The following KCNAB3 variants were observed in gnomAD, a reference collection of about 807,000 sequenced individuals.
The protein encoded by KCNAB3 is voltage-gated potassium channel subunit beta-3.
Under a neutral mutation model 67.7 loss-of-function variants are expected in KCNAB3, and 62 were observed. The observed-to-expected ratio is 0.92, with a 90% CI of 0.75 to 1.13. KCNAB3 has a LOEUF of 1.13. KCNAB3 is among the 50% of genes most tolerant of loss of function. KCNAB3 has a pLI of 0.00. For synonymous variants in KCNAB3, 212 were observed against 205.4 expected, an observed-to-expected ratio of 1.03 and a Z score of -0.27; for missense variants, 514 against 522.9, an observed-to-expected ratio of 0.98 and a Z score of 0.17.
At chr17:7,925,055 T>A (rs748759740) in intron 8 of KCNAB3, 42 bp downstream of exon 8, 7 of 1,572,924 alleles carry the variant, frequency 4.5e-6, no homozygotes, top group African/African-American at 1.4e-5. Context: ...AAGGAAGTGC[T>A]CAGTTTTGAA....
intron 11 of KCNAB3, 46 bp from the exon 12 acceptor site, chr17:7,923,877 C>A: frequency 6.4e-7 from 1 of 1,562,392 alleles, no homozygotes; most frequent in Non-Finnish European, 8.7e-7. Context: ...ATCACCACCA[C>A]CACCACCACA....
intron 12 of KCNAB3, 26 bp downstream of exon 12, chr17:7,923,685 G>A (rs1370717674): frequency 3.2e-6 from 5 of 1,553,786 alleles, no homozygotes; most frequent in Non-Finnish European, 4.4e-6. Flanking sequence ...GAGGAGACAG[G>A]GCCCCTGCAG....
chr17:7,926,959 C>G (rs1239361189), intron 4 of KCNAB3, among the ~76,000 whole-genome samples: 1 of 152,110 alleles, frequency 6.6e-6, no homozygotes, highest in Non-Finnish European at 1.5e-5. Flanking sequence ...GGAGCGGACA[C>G]TCGGGTCAAG....
chr17:7,924,831 C>T, intron 8 of KCNAB3: 1 of 652,042 alleles, frequency 1.5e-6, no homozygotes, highest in Non-Finnish European at 2.4e-6. Context: ...TGGCCTCAAA[C>T]TCCTGGGCTT....
At position 7,923,530 on chromosome 17, in the gene KCNAB3, T is replaced by A; in HGVS notation, c.1063A>T (p.Ser355Cys). Residue 355 changes from serine (S) to cysteine (C), a missense_variant, in exon 13 of 14, where the codon AGT (serine) becomes TGT (cysteine). By Grantham distance (112) the Ser-to-Cys change is moderately radical. Transcript: ENST00000303790. The stretch of plus-strand genomic sequence containing the variant: ...AGCAAGACAGAGCTGACACCCTCAC[T>A]GCGGAGACACCACGCTGGGGCCAGA... ...AQLAIAWCLR[S>C]EGVSSVLLGV... 1 of 1,610,940 alleles carries A rather than the reference T, an allele frequency of 6.2e-7. No homozygotes were observed. The highest frequency in any genetic ancestry group is 8.5e-7 in the Non-Finnish European group (1 of 1,178,678).
At position 7,925,144 on chromosome 17, in the gene KCNAB3, A is replaced by C; in HGVS notation, c.578T>G (p.Val193Gly). ...TGAGCGATTGGCAAAGACAATGTCC[A>C]CGTATCCCAGCTGGAGGCGTTCCAG... ...GSLERLQLGY[V>G]DIVFANRSDP... Residue 193 changes from valine (V) to glycine (G), a missense_variant, in exon 8 of 14, where the codon GTG becomes GGG. Physicochemically the swap from Val to Gly is moderately radical, Grantham distance 109. Coordinates refer to ENST00000303790, the MANE Select transcript of KCNAB3 (RefSeq NM_004732.4). The C allele has an allele frequency of 6.2e-7, 1 of 1,613,892 alleles. No homozygotes were observed. The highest frequency in any genetic ancestry group is 8.5e-7 in the Non-Finnish European group (1 of 1,179,846).
Position 7,923,952 on chromosome 17 carries a change from A to C in KCNAB3, c.927+16T>G, listed in dbSNP as rs747324048. 9 of 1,603,320 alleles carry C rather than the reference A, an allele frequency of 5.6e-6. No individual in the cohort carries two copies. In the South Asian group the frequency reaches 8.9e-5, roughly 16 times the overall value. On this transcript the variant is annotated intron_variant, in intron 11 of 13. Transcript: ENST00000303790. ...CATATAGCCCAGTCCTGCCATCGAGAGCCCCCAGATCTCACCTTGATGGAG... is the reference window on the plus strand; with the variant it reads ...CATATAGCCCAGTCCTGCCATCGAGCGCCCCCAGATCTCACCTTGATGGAG...
chr17:7,927,948 AC>A, intron 1 of KCNAB3, 122 bp from the exon 2 acceptor site: 2 of 1,172,500 alleles, frequency 1.7e-6, no homozygotes, highest in Non-Finnish European at 2.5e-6. Context: ...AAGAAATTAG[AC>A]CCAGTGGGCC....
Position 7,924,238 on chromosome 17 carries a change from T to A in KCNAB3, c.739A>T (p.Asn247Tyr). 6.2e-7 allele frequency: 1 copy of A among 1,614,210 alleles called. No homozygotes were observed. The highest frequency in any genetic ancestry group is 2.2e-5 in the East Asian group (1 of 44,886). ...MEAYSMARQF[N>Y]LIPPVCEQAE... ...TGTTCACACACTGGAGGAATCAGAT[T>A]GAACTGTCTGGCCATGGAGTAGGCC... The change falls in exon 10 of 14, where the codon AAT becomes TAT. Residue 247 changes from asparagine to tyrosine, a missense_variant. Asn to Tyr is a moderately radical substitution (Grantham distance 143, BLOSUM62 -2). Coordinates refer to ENST00000303790, the MANE Select transcript of KCNAB3 (RefSeq NM_004732.4).
chr17:7,926,168 C>T, intron 4 of KCNAB3, 65 bp from the exon 5 acceptor site: 1 of 1,576,004 alleles, frequency 6.3e-7, no homozygotes, highest in Non-Finnish European at 8.7e-7. Context: ...CCTCTCCTCC[C>T]CACCTTTTCC....
chr17:7,928,701 G>C (rs1162594303), intron 1 of KCNAB3, among the ~76,000 whole-genome samples: 1 of 152,158 alleles, frequency 6.6e-6, no homozygotes, highest in Non-Finnish European at 1.5e-5. Flanking sequence ...GAAAAATGTG[G>C]TCCATCCTTC....
rs778153217 is a variant in KCNAB3 at position 7,924,402 on chromosome 17, G to T, written c.711+13C>A. ...AGTTGTGGGACAGGGGCAAGGTGGG[G>T]TCACACACTCACCATGATTTCTGCA... On this transcript the variant is annotated intron_variant, in intron 9 of 13. Coordinates refer to ENST00000303790, the MANE Select transcript of KCNAB3 (RefSeq NM_004732.4). The T allele has an allele frequency of 1.2e-6, 2 of 1,612,698 alleles. No individual in the cohort carries two copies. The highest frequency in any genetic ancestry group is 1.1e-5 in the South Asian group (1 of 90,896).
chr17:7,923,397 G>A, intron 13 of KCNAB3, 59 bp downstream of exon 13: 1 of 1,522,950 alleles, frequency 6.6e-7, no homozygotes, highest in Non-Finnish European at 9.0e-7. Flanking sequence ...GTTGGATAGC[G>A]TGGCTTTGAC....
At chr17:7,924,707 G>A (rs929474228) in intron 8 of KCNAB3, 67 of 1,350,062 alleles carry the variant, frequency 5.0e-5, no homozygotes, top group African/African-American at 5.9e-5. Context: ...AGCAGGGGCT[G>A]GCTTCCTGCT....
chr17:7,924,759 T>G, intron 8 of KCNAB3: 1 of 1,179,742 alleles, frequency 8.5e-7, no homozygotes, highest in South Asian at 2.3e-5. Flanking sequence ...TTTAGATTTT[T>G]TGAGACAGGG....
Position 7,926,120 on chromosome 17 carries a change from G to A in KCNAB3, c.405-17C>T, listed in dbSNP as rs1280701355. On this transcript the variant is annotated splice_polypyrimidine_tract_variant and intron_variant, in intron 4 of 13. Transcript: ENST00000303790. ...CTTTCAGCCCTAAAAGAAACATAAG[G>A]CAGAGCCACTGATCCCTTCTAGGCC... The A allele has an allele frequency of 6.2e-7, 1 of 1,613,868 alleles. No homozygotes were observed. Among genetic ancestry groups the A allele is most frequent in the Non-Finnish European group, 8.5e-7 (1 of 1,179,964 alleles).
At position 7,923,233 on chromosome 17, in the gene KCNAB3, G is replaced by A. The variant is rs918562341; in HGVS notation, c.1138-54C>T. 53 of 1,540,764 alleles carry A rather than the reference G, an allele frequency of 3.4e-5. No homozygotes were observed. In the Admixed American group the frequency reaches 8.3e-4, roughly 24 times the overall value. On this transcript the variant is annotated intron_variant, in intron 13 of 13. Coordinates refer to ENST00000303790, the MANE Select transcript of KCNAB3 (RefSeq NM_004732.4). ...CAGCCCATGCTGGGTCACTGAGAAA[G>A]GGCATGGGGTTCCAGTAGCCGGGGA...
chr17:7,923,916 C>G lies in KCNAB3; in HGVS notation c.927+52G>C, dbSNP rs375771014. 3.8e-6 allele frequency: 6 copies of G among 1,577,166 alleles called. No homozygotes were observed. The African/African-American group carries it at 5.4e-5, about 14-fold the overall frequency. ...ACAAAGCAGCCCCCCGTAACTCCCC[C>G]CAAAGCAGCCCATATAGCCCAGTCC... is the stretch of plus-strand genomic sequence containing the variant. On this transcript the variant is annotated intron_variant, in intron 11 of 13. Coordinates refer to ENST00000303790, the MANE Select transcript of KCNAB3 (RefSeq NM_004732.4).
chr17:7,925,036 G>A (rs1269911606), intron 8 of KCNAB3, 61 bp downstream of exon 8: 23 of 1,425,882 alleles, frequency 1.6e-5, no homozygotes, highest in South Asian at 8.1e-5. Context: ...ATGAGCCACC[G>A]CACCCAGCAA....
Sources: allele counts gnomAD v4.1 joint callset (sites outside exome capture counted in the v4.1 genomes callset), GRCh38; gene constraint gnomAD v4.1.1; transcripts MANE v1.5; gene names NCBI Gene and HGNC (gene_info 2026-07-23, HGNC 2026-07-21).